The following PDZRN4 variants were observed in gnomAD, a reference collection of about 807,000 sequenced individuals.
PDZRN4 encodes PDZ domain containing ring finger 4.
Under a neutral mutation model 99.0 loss-of-function variants are expected in PDZRN4, and 70 were observed. The observed-to-expected ratio is 0.71, with a 90% confidence interval of 0.58 to 0.86. The LOEUF (loss-of-function observed/expected upper bound fraction) is 0.86, where lower values mean the gene tolerates loss of function less well. Ranked by LOEUF, PDZRN4 falls within the 40% of genes least tolerant of loss-of-function variation. The pLI is 0.00. For synonymous variants in PDZRN4, 551 were observed against 501.6 expected (o/e 1.10, Z -1.32); for missense variants, 1,474 against 1,331.2 (o/e 1.11, Z -1.67).
chr12:41,517,136 C>G (rs901821668), intron 5 of PDZRN4, among the ~76,000 whole-genome samples: 1 of 152,032 alleles, frequency 6.6e-6, no homozygotes, highest in Non-Finnish European at 1.5e-5. Context: ...GCAAATCTGT[C>G]TTTTGCCTCA....
chr12:41,419,638 T>A (rs10880073), intron 3 of PDZRN4, among the ~76,000 whole-genome samples: 54,584 of 151,836 alleles, frequency 0.36, 10,775 homozygotes, highest in African/African-American at 0.53. Context: ...ACCATGGGGG[T>A]TTTACAGGAG....
At chr12:41,546,857 G>T (rs895036885) in intron 5 of PDZRN4, among the ~76,000 whole-genome samples, 1 of 152,070 alleles carries the variant, frequency 6.6e-6, no homozygotes, top group Non-Finnish European at 1.5e-5. Context: ...TTAAAATAAG[G>T]CAACTATGAA....
chr12:41,506,756 T>C (rs759257258), intron 4 of PDZRN4, 44 bp downstream of exon 4: 1 of 1,563,500 alleles, frequency 6.4e-7, no homozygotes, highest in South Asian at 1.2e-5. Context: ...TGTTTCCATT[T>C]GTCACGTAAA....
chr12:41,210,032 C>T (rs1198960416), intron 3 of PDZRN4, among the ~76,000 whole-genome samples: 34 of 151,930 alleles, frequency 2.2e-4, no homozygotes, highest in Admixed American at 2.0e-3. Flanking sequence ...CTTTAATGAT[C>T]ACCATTCTAA....
chr12:41,470,786 T>C (rs547918886), intron 3 of PDZRN4, among the ~76,000 whole-genome samples: 7 of 152,234 alleles, frequency 4.6e-5, no homozygotes, highest in South Asian at 2.1e-4. Flanking sequence ...TTTTACTCTG[T>C]TGGCAAGAAC....
chr12:41,388,449 C>T (rs1486672078), intron 3 of PDZRN4, among the ~76,000 whole-genome samples: 3 of 151,486 alleles, frequency 2.0e-5, no homozygotes, highest in Non-Finnish European at 4.4e-5. Context: ...ATTTTGTAGG[C>T]CACTGTCAAG....
At chr12:41,508,557 G>A (rs753144877) in intron 4 of PDZRN4, among the ~76,000 whole-genome samples, 40 of 152,204 alleles carry the variant, frequency 2.6e-4, no homozygotes, top group African/African-American at 8.4e-4. Context: ...CTTACTATCC[G>A]AAAGACAAGG....
chr12:41,212,264 C>T (rs893975979), intron 3 of PDZRN4, among the ~76,000 whole-genome samples: 2 of 151,974 alleles, frequency 1.3e-5, no homozygotes, highest in African/African-American at 4.8e-5. Flanking sequence ...AATATCAATG[C>T]AATATTTTAC....
chr12:41,478,035 A>C (rs182894195), intron 3 of PDZRN4: 9 of 671,828 alleles, frequency 1.3e-5, no homozygotes, highest in African/African-American at 1.1e-4. Flanking sequence ...CTTTGTGACC[A>C]CTGGTTCTGT....
intron 3 of PDZRN4, among the ~76,000 whole-genome samples, chr12:41,362,969 T>G (rs902533184): frequency 6.6e-6 from 1 of 152,102 alleles, no homozygotes; most frequent in Non-Finnish European, 1.5e-5. Context: ...TTTATTATAA[T>G]TTTTCTTTCC....
At chr12:41,517,754 C>T (rs893636452) in intron 5 of PDZRN4, among the ~76,000 whole-genome samples, 4 of 152,016 alleles carry the variant, frequency 2.6e-5, no homozygotes, top group Admixed American at 6.6e-5. Context: ...AAAACTTTTA[C>T]GAGTATTCTA....
chr12:41,422,709 C>T (rs10748305), intron 3 of PDZRN4, among the ~76,000 whole-genome samples: 72,107 of 151,570 alleles, frequency 0.48, 17,337 homozygotes, highest in African/African-American at 0.56. Flanking sequence ...CAATCACCTT[C>T]CACCAGATCC....
intron 3 of PDZRN4, among the ~76,000 whole-genome samples, chr12:41,272,683 A>T (rs1364993126): frequency 6.6e-6 from 1 of 152,110 alleles, no homozygotes; most frequent in East Asian, 1.9e-4. Flanking sequence ...AGACTGCCAG[A>T]AAAAAATTTA....
chr12:41,467,575 A>G (rs1156495540), intron 3 of PDZRN4, among the ~76,000 whole-genome samples: 1 of 152,200 alleles, frequency 6.6e-6, no homozygotes, highest in East Asian at 1.9e-4. Flanking sequence ...AATTGGTTGT[A>G]TCTGTCACTA....
intron 3 of PDZRN4, among the ~76,000 whole-genome samples, chr12:41,261,965 G>A (rs1344530507): frequency 1.3e-5 from 2 of 152,134 alleles, no homozygotes; most frequent in Non-Finnish European, 2.9e-5. Flanking sequence ...AGAATGGGAA[G>A]GGTACAGAAT....
intron 7 of PDZRN4, among the ~76,000 whole-genome samples, chr12:41,559,459 A>C (rs1001666339): frequency 6.6e-6 from 1 of 152,130 alleles, no homozygotes; most frequent in African/African-American, 2.4e-5. Context: ...ATCAGATAAC[A>C]AGAGTAAAAG....
At chr12:41,490,043 T>G (rs1937853364) in intron 3 of PDZRN4, among the ~76,000 whole-genome samples, 3 of 151,914 alleles carry the variant, frequency 2.0e-5, no homozygotes, top group Non-Finnish European at 4.4e-5. Context: ...GCTTTACCAC[T>G]TGTTGTGTGA....
At chr12:41,282,877 T>G (rs1169271303) in intron 3 of PDZRN4, among the ~76,000 whole-genome samples, 1 of 152,164 alleles carries the variant, frequency 6.6e-6, no homozygotes, top group Non-Finnish European at 1.5e-5. Context: ...TAAAGCAGTG[T>G]TTGGAGGGAA....
At chr12:41,254,838 T>A (rs921201762) in intron 3 of PDZRN4, among the ~76,000 whole-genome samples, 3 of 152,158 alleles carry the variant, frequency 2.0e-5, no homozygotes, top group African/African-American at 7.2e-5. Context: ...ATGCCTGTAA[T>A]TCCAACATTT....
Sources: allele counts gnomAD v4.1 joint callset (sites outside exome capture counted in the v4.1 genomes callset), GRCh38; gene constraint gnomAD v4.1.1; transcripts MANE v1.5; gene names NCBI Gene and HGNC (gene_info 2026-07-23, HGNC 2026-07-21).